TRAK1: variants seen among roughly 807,000 people sequenced by gnomAD.
TRAK1 encodes the protein trafficking kinesin-binding protein 1.
A neutral mutation model predicts 92.1 loss-of-function variants in TRAK1; 33 were observed. The ratio of observed to expected loss-of-function variants is 0.36; its 90% CI spans 0.27 to 0.48. The LOEUF (loss-of-function observed/expected upper bound fraction) is 0.48, where lower values mean the gene tolerates loss of function less well. Among genes scored for constraint, TRAK1 ranks in the 20% least tolerant of loss-of-function variants. The pLI, the probability that TRAK1 is intolerant of heterozygous loss-of-function variation, is 0.99. For missense variants in TRAK1, 1,123 were observed against 1,257.9 expected, an observed-to-expected ratio of 0.89 and a Z score of 1.62; for synonymous variants, 521 against 517.3, an observed-to-expected ratio of 1.01 and a Z score of -0.10.
Position 42,185,673 on chromosome 3 carries a change from C to CTT in TRAK1, c.480+886_480+887dup, listed in dbSNP as rs11376284. ...TCTTTTCCCCTTTTCTTATTCCTTT[C>CTT]TTTTTTTTTTTTTTTGAGATGGAAT... On this transcript the variant is annotated intron_variant, in intron 4 of 15. Transcript: ENST00000327628. Among the ~76,000 whole-genome samples the CTT allele has an allele frequency of 3.5e-3, 474 of 136,542 alleles. 7 individuals are homozygous for CTT. The highest frequency in any genetic ancestry group is 0.011 in the Middle Eastern group (3 of 266). The allele number at this position is 136,542 out of a possible 152,430, so 89.6% of individuals were successfully genotyped here.
At chr3:42,060,886 C>T (rs751072374) in intron 1 of TRAK1, among the ~76,000 whole-genome samples, 2 of 152,174 alleles carry the variant, frequency 1.3e-5, no homozygotes, top group Middle Eastern at 3.4e-3. Context: ...TCACCTTGGC[C>T]GCCTAAAATG....
chr3:42,120,153 C>T (rs1003573549), intron 1 of TRAK1, among the ~76,000 whole-genome samples: 2 of 152,146 alleles, frequency 1.3e-5, no homozygotes, highest in East Asian at 1.9e-4. Context: ...GAGGCGATGC[C>T]GAGGGGTAAG....
At chr3:42,136,085 T>C (rs1266452715) in intron 2 of TRAK1, among the ~76,000 whole-genome samples, 1 of 152,176 alleles carries the variant, frequency 6.6e-6, no homozygotes, top group East Asian at 1.9e-4. Context: ...TGAAACCTGT[T>C]TCTCTATCAT....
chr3:42,035,072 A>G (rs911177834), intron 1 of TRAK1, among the ~76,000 whole-genome samples: 2 of 152,142 alleles, frequency 1.3e-5, no homozygotes, highest in African/African-American at 4.8e-5. Context: ...GCCATCAGAC[A>G]TCTGAGCCTG....
At chr3:42,143,286 A>G (rs568420200) in intron 2 of TRAK1, among the ~76,000 whole-genome samples, 2 of 144,690 alleles carry the variant, frequency 1.4e-5, no homozygotes, top group South Asian at 4.4e-4. Context: ...TTGAATCTTT[A>G]TCTTCTTTAA....
At chr3:42,057,045 C>A (rs1703231463) in intron 1 of TRAK1, among the ~76,000 whole-genome samples, 1 of 152,328 alleles carries the variant, frequency 6.6e-6, no homozygotes, top group African/African-American at 2.4e-5. Flanking sequence ...AGGGCACCTT[C>A]TGCCACTTTG....
At chr3:42,068,485 A>G (rs977104333) in intron 1 of TRAK1, among the ~76,000 whole-genome samples, 1 of 152,196 alleles carries the variant, frequency 6.6e-6, no homozygotes, top group Non-Finnish European at 1.5e-5. Flanking sequence ...GTTAAGAGAA[A>G]AGAGTTGGGT....
intron 6 of TRAK1, among the ~76,000 whole-genome samples, chr3:42,189,602 G>C (rs1185666958): frequency 1.3e-5 from 2 of 151,808 alleles, no homozygotes; most frequent in African/African-American, 2.4e-5. Context: ...GTGCGATCTT[G>C]GCTCTGCAAC....
intron 2 of TRAK1, among the ~76,000 whole-genome samples, chr3:42,140,911 GGC>G (rs1698566112): frequency 6.6e-6 from 1 of 152,162 alleles, no homozygotes; most frequent in Non-Finnish European, 1.5e-5. Flanking sequence ...GACCTCGGAG[GGC>G]TCTGTGTGCT....
At chr3:42,014,581 T>C (rs1370801514) in intron 1 of TRAK1, among the ~76,000 whole-genome samples, 1 of 152,220 alleles carries the variant, frequency 6.6e-6, no homozygotes, top group Non-Finnish European at 1.5e-5. Flanking sequence ...GTCTCCAAGG[T>C]CAAGCTCTTG....
intron 1 of TRAK1, among the ~76,000 whole-genome samples, chr3:42,055,622 T>C (rs987542957): frequency 6.6e-6 from 1 of 152,170 alleles, no homozygotes; most frequent in Non-Finnish European, 1.5e-5. Context: ...GCCACCATGC[T>C]CTGCTAATTT....
At chr3:42,133,339 C>T (rs578026223) in intron 2 of TRAK1, among the ~76,000 whole-genome samples, 37 of 152,242 alleles carry the variant, frequency 2.4e-4, no homozygotes, top group Admixed American at 9.2e-4. Context: ...TGGATCATGC[C>T]GCTCCCTCGC....
At chr3:42,023,483 A>G (rs147825106) in intron 1 of TRAK1, among the ~76,000 whole-genome samples, 381 of 152,116 alleles carry the variant, frequency 2.5e-3, no homozygotes, top group African/African-American at 8.8e-3. Flanking sequence ...ACCTTATCTT[A>G]CCTCCATGAT....
chr3:42,107,498 A>G (rs1473805503), intron 1 of TRAK1, among the ~76,000 whole-genome samples: 18 of 151,710 alleles, frequency 1.2e-4, no homozygotes, highest in Non-Finnish European at 1.5e-5. Flanking sequence ...GTGACAGAGC[A>G]AGACTCCGTT....
intron 2 of TRAK1, among the ~76,000 whole-genome samples, chr3:42,171,467 A>G (rs1702549541): frequency 6.6e-6 from 1 of 152,204 alleles, no homozygotes; most frequent in Non-Finnish European, 1.5e-5. Context: ...CACCATAGAG[A>G]CACAGGGTCC....
intron 14 of TRAK1, among the ~76,000 whole-genome samples, chr3:42,216,543 A>G (rs1709713534): frequency 6.6e-6 from 1 of 152,224 alleles, no homozygotes; most frequent in African/African-American, 2.4e-5. Context: ...ACCTGTAGCT[A>G]GCTGAAGGAT....
In TRAK1 at chr3:42,112,929, C is replaced by T. The variant is rs1333873528; in HGVS notation, c.92-12491C>T. On this transcript the variant is annotated intron_variant, in intron 1 of 15. Coordinates refer to ENST00000327628, the MANE Select transcript of TRAK1 (RefSeq NM_001042646.3). ...GGGGCTACAGGTGTGTGCCACCACA[C>T]TTGGATTTTTAATTTTTTTTTTGTA... Among the ~76,000 whole-genome samples the T allele has an allele frequency of 3.3e-5, 5 of 151,986 alleles. No homozygotes were observed. The East Asian group carries it at 9.7e-4, about 29-fold the overall frequency.
At chr3:42,160,218 G>A (rs1701092145) in intron 2 of TRAK1, 2 of 1,471,260 alleles carry the variant, frequency 1.4e-6, no homozygotes, top group East Asian at 2.4e-5. Context: ...CTTCAGCTGA[G>A]CCAGGGCATG....
upstream of TRAK1, among the ~76,000 whole-genome samples, chr3:42,084,556 C>T (rs1450967544): frequency 6.6e-6 from 1 of 152,214 alleles, no homozygotes; most frequent in Non-Finnish European, 1.5e-5. Context: ...GGAGAAGCCC[C>T]CTTGGGCCCC....
Sources: gnomAD v4.1 joint callset for allele counts (sites outside exome capture counted in the v4.1 genomes callset) on GRCh38, gnomAD v4.1.1 for gene constraint, MANE v1.5 for transcripts, NCBI Gene and HGNC (gene_info 2026-07-23, HGNC 2026-07-21) for gene names.